The following COL8A2 variants were observed in gnomAD, a reference collection of about 807,000 sequenced individuals.
COL8A2 encodes the protein collagen type VIII alpha 2 chain, also known as collagen alpha-2(VIII) chain.
Under a neutral mutation model 24.0 loss-of-function variants are expected in COL8A2, and 16 were observed. That is an observed-to-expected ratio of 0.67 (90% CI 0.45 to 1.01). The LOEUF (loss-of-function observed/expected upper bound fraction) is 1.01. Ranked by LOEUF, COL8A2 falls within the 50% of genes least tolerant of loss-of-function variation. The probability of loss-of-function intolerance (pLI) is 0.00; values close to 1 mark genes in which losing one functional copy is unlikely to be tolerated. For synonymous variants in COL8A2, 466 were observed against 424.5 expected (o/e 1.10, Z -1.20); for missense variants, 818 against 942.4 (o/e 0.87, Z 1.73).
chr1:36,100,179 A>G lies in COL8A2; in HGVS notation c.64T>C (p.Cys22Arg). 1 of 1,608,036 alleles carries G rather than the reference A, an allele frequency of 6.2e-7. No individual in the cohort carries two copies. Among genetic ancestry groups the G allele is most frequent in the Non-Finnish European group, 8.5e-7 (1 of 1,177,780 alleles). Residue 22 changes from cysteine to arginine, a missense_variant, in exon 3 of 4, where the codon TGT becomes CGT. Transcript: ENST00000397799. ...CCACCAGAGGACGCCCGCGGCCCAC[A>G]CCCCAGCACCAGCACCAGTAGCAGC... is the stretch of plus-strand genomic sequence containing the variant. ...LLLLLVLVLG[C>R]GPRASSGGGA...
At chr1:36,124,168 C>A (rs942817396) in intron 1 of COL8A2, among the ~76,000 whole-genome samples, 3 of 152,172 alleles carry the variant, frequency 2.0e-5, no homozygotes, top group African/African-American at 7.2e-5. Context: ...GGGATGATTT[C>A]TGGTTGCTCC....
At chr1:36,122,969 C>T (rs562443339) in intron 1 of COL8A2, among the ~76,000 whole-genome samples, 1 of 152,284 alleles carries the variant, frequency 6.6e-6, no homozygotes, top group Non-Finnish European at 1.5e-5. Context: ...GCTGTGCCCT[C>T]AGCCAGGAAC....
intron 2 of COL8A2, among the ~76,000 whole-genome samples, chr1:36,105,465 C>T (rs920415327): frequency 6.6e-6 from 1 of 152,220 alleles, no homozygotes; most frequent in African/African-American, 2.4e-5. Context: ...TGAGGCCTCG[C>T]CCAGAGCCTC....
At chr1:36,103,254 C>T (rs1643705446) in intron 2 of COL8A2, among the ~76,000 whole-genome samples, 1 of 152,066 alleles carries the variant, frequency 6.6e-6, no homozygotes, top group Non-Finnish European at 1.5e-5. Context: ...CATGAGCCAC[C>T]ATGCCCAGCC....
chr1:36,110,491 G>A (rs1049824546), intron 2 of COL8A2, among the ~76,000 whole-genome samples: 2 of 151,764 alleles, frequency 1.3e-5, no homozygotes, highest in African/African-American at 2.4e-5. Flanking sequence ...TTGAGATGGA[G>A]TCTCACTTTC....
At chr1:36,121,939 A>G (rs764410921) in intron 1 of COL8A2, among the ~76,000 whole-genome samples, 2 of 151,990 alleles carry the variant, frequency 1.3e-5, no homozygotes, top group Admixed American at 1.3e-4. Flanking sequence ...GGCTCTCCCC[A>G]TGAGGCACTA....
At chr1:36,114,162 CA>C (rs61169668) in intron 2 of COL8A2, among the ~76,000 whole-genome samples, 136,117 of 151,650 alleles carry the variant, frequency 0.9, 61,231 homozygotes, top group East Asian at 1. Context: ...ACTAAAAATA[CA>C]AAAAAATTAG....
chr1:36,122,410 G>T (rs906469106), intron 1 of COL8A2, among the ~76,000 whole-genome samples: 1 of 152,108 alleles, frequency 6.6e-6, no homozygotes, highest in Admixed American at 6.5e-5. Flanking sequence ...CTCTTTCTGG[G>T]AGTCAGACTT....
In COL8A2 at chr1:36,098,421, AG is replaced by A; in HGVS notation, c.1259del (p.Pro420LeufsTer39). ...ERGLPGAHGP[P>X]GPTGPKGEPG... ...GCTCACCCTTGGGCCCAGTTGGTCC[AG>A]GGGGTCCATGGGCCCCAGGAAGTCC... is the stretch of plus-strand genomic sequence containing the variant. On this transcript the variant is annotated frameshift_variant, in exon 4 of 4. Coordinates refer to ENST00000397799, the MANE Select transcript of COL8A2 (RefSeq NM_005202.4). LOFTEE classifies it high-confidence loss of function. The A allele has an allele frequency of 6.3e-7, 1 of 1,582,092 alleles. No homozygotes were observed.
At chr1:36,103,295 C>G (rs1030182557) in intron 2 of COL8A2, among the ~76,000 whole-genome samples, 2 of 151,886 alleles carry the variant, frequency 1.3e-5, no homozygotes, top group Non-Finnish European at 2.9e-5. Context: ...TTTTTTGAGA[C>G]AGGGTCTTGC....
At chr1:36,119,005 T>C (rs909983656) in intron 1 of COL8A2, among the ~76,000 whole-genome samples, 1 of 152,148 alleles carries the variant, frequency 6.6e-6, no homozygotes, top group East Asian at 1.9e-4. Context: ...TCTTCATCAA[T>C]GAAATGGGAA....
chr1:36,113,928 G>A (rs546032089), intron 2 of COL8A2, among the ~76,000 whole-genome samples: 1 of 152,306 alleles, frequency 6.6e-6, no homozygotes, highest in East Asian at 1.9e-4. Context: ...CAGAGCAAAT[G>A]ACTGGATGAG....
At chr1:36,108,046 T>A (rs2124091475) in intron 2 of COL8A2, among the ~76,000 whole-genome samples, 1 of 152,324 alleles carries the variant, frequency 6.6e-6, no homozygotes, top group South Asian at 2.1e-4. Context: ...CAGTGTTTGA[T>A]GAACTCAATT....
At position 36,098,887 on chromosome 1, in the gene COL8A2, T is replaced by TC. The variant is rs953375687; in HGVS notation, c.793dup (p.Glu265GlyfsTer77). ...TCCTTTTGGGCCCACAGCTCCTGGC[T>TC]CCCCCCTGGGGCCTGGAACTCCAGG... On this transcript the variant is annotated frameshift_variant, in exon 4 of 4. Transcript: ENST00000397799. LOFTEE classifies it low-confidence loss of function (END_TRUNC). 1 of 1,611,624 alleles carries TC rather than the reference T, an allele frequency of 6.2e-7. No individual in the cohort carries two copies. Among genetic ancestry groups the TC allele is most frequent in the Non-Finnish European group, 8.5e-7 (1 of 1,179,498 alleles).
Position 36,100,045 on chromosome 1 carries a change from C to T in COL8A2, c.193+5G>A, listed in dbSNP as rs751551470. 3 of 1,610,658 alleles carry T rather than the reference C, an allele frequency of 1.9e-6. No individual in the cohort carries two copies. In the East Asian group the frequency reaches 6.7e-5, roughly 36 times the overall value. On this transcript the variant is annotated splice_donor_5th_base_variant and intron_variant, in intron 3 of 3. Coordinates refer to ENST00000397799, the MANE Select transcript of COL8A2 (RefSeq NM_005202.4). ...TGAGGCACTGTGGGGTGAGGAGGCT[C>T]TCACCCAGGTACTGGCCTTTGCCCT...
chr1:36,099,024 TGGGGCCCCA>T lies in COL8A2; in HGVS notation c.648_656del (p.Ala218_Gly220del). On this transcript the variant is annotated inframe_deletion, in exon 4 of 4. Coordinates refer to ENST00000397799, the MANE Select transcript of COL8A2 (RefSeq NM_005202.4). ...GGGGGCCGGGGGCACCCCCCTGCCC[TGGGGCCCCA>T]GGCAGCCCGGGCTGGCCCACTCCAT... The T allele has an allele frequency of 1.9e-6, 3 of 1,542,230 alleles. No individual in the cohort carries two copies. Among genetic ancestry groups the T allele is most frequent in the Non-Finnish European group, 2.6e-6 (3 of 1,144,428 alleles).
chr1:36,117,008 C>T (rs1039630059), intron 1 of COL8A2, among the ~76,000 whole-genome samples: 3 of 152,166 alleles, frequency 2.0e-5, no homozygotes, highest in Admixed American at 6.5e-5. Context: ...GACATGACTC[C>T]GGGGTAGATG....
chr1:36,112,244 C>G (rs570537727), intron 2 of COL8A2, among the ~76,000 whole-genome samples: 1 of 152,072 alleles, frequency 6.6e-6, no homozygotes. Context: ...ACCTCATGAT[C>G]CGCCCGCCTC....
chr1:36,123,108 G>A lies in COL8A2; in HGVS notation c.-62+1949C>T, dbSNP rs527500066. ...TTGGCTTGCATGGTGCCCCTCCTCG[G>A]GTACCTAGTAGGGCACCGTGAGACC... On this transcript the variant is annotated intron_variant, in intron 1 of 3. Coordinates refer to ENST00000397799, the MANE Select transcript of COL8A2 (RefSeq NM_005202.4). This position sits in a 1 kb window ranked among gnomAD's most constrained non-coding sequence, Gnocchi z 4.1. Among the ~76,000 whole-genome samples the A allele has an allele frequency of 6.6e-6, 1 of 152,278 alleles. No homozygotes were observed. Among genetic ancestry groups the A allele is most frequent in the South Asian group, 2.1e-4 (1 of 4,828 alleles).
Sources: allele counts gnomAD v4.1 joint callset (sites outside exome capture counted in the v4.1 genomes callset), GRCh38; gene constraint gnomAD v4.1.1; non-coding constraint Gnocchi (gnomAD v3.1); transcripts MANE v1.5; gene names NCBI Gene and HGNC (gene_info 2026-07-23, HGNC 2026-07-21).